Variants in ABCG5 observed in about 807,000 individuals in gnomAD.
The protein encoded by ABCG5 is ATP-binding cassette sub-family G member 5.
ABCG5 carries 64 observed loss-of-function variants against 64.5 expected under a neutral mutation model. The observed-to-expected ratio is 0.99, with a 90% confidence interval of 0.81 to 1.22. The LOEUF (loss-of-function observed/expected upper bound fraction) is 1.22, where lower values mean the gene tolerates loss of function less well. Ranked by LOEUF, ABCG5 falls within the 50% of genes most tolerant of loss-of-function variation. The pLI is 0.00. For missense variants in ABCG5, 908 were observed against 829.5 expected (o/e 1.09, Z -1.16); for synonymous variants, 385 against 326.3 (o/e 1.18, Z -1.94).
Position 43,823,891 on chromosome 2 carries a change from C to T in ABCG5, c.1324+22G>A, listed in dbSNP as rs373247682. On this transcript the variant is annotated intron_variant, in intron 9 of 12. Transcript: ENST00000405322. ...AGGTATTTAGGGAGAAAGAGGTGCACCTCCAGCACGTGGGCACTTACACAG... is the reference window on the plus strand; with the variant it reads ...AGGTATTTAGGGAGAAAGAGGTGCATCTCCAGCACGTGGGCACTTACACAG... The T allele has an allele frequency of 4.5e-5, 72 of 1,612,358 alleles. No homozygotes were observed. In the African/African-American group the frequency reaches 8.4e-4, roughly 19 times the overall value.
rs1443729670 is a variant in ABCG5 at position 43,819,917 on chromosome 2, G to A, written c.1647C>T (p.Leu549=). The stretch of plus-strand genomic sequence containing the variant: ...TTTTTTGAATTATGATATCTTACCT[G>A]AGGAATCCAGATCCAACAAGCACCC... ...IAGVLVGSGF[L]RNIQEMPIPF... Residue 549 remains leucine (L), a splice_region_variant and synonymous_variant, in exon 11 of 13, where the codon CTC becomes CTT. Transcript: ENST00000405322. 1 of 1,614,058 alleles carries A rather than the reference G, an allele frequency of 6.2e-7. No individual in the cohort carries two copies. The highest frequency in any genetic ancestry group is 8.5e-7 in the Non-Finnish European group (1 of 1,180,010).
chr2:43,839,139 G>A, upstream of ABCG5: 1 of 1,550,836 alleles, frequency 6.4e-7, no homozygotes, highest in East Asian at 2.4e-5. Flanking sequence ...TGGGAAGTCG[G>A]CCCAGGCCTG....
downstream of ABCG5, among the ~76,000 whole-genome samples, chr2:43,811,532 T>G (rs888774336): frequency 6.6e-6 from 1 of 152,204 alleles, no homozygotes; most frequent in African/African-American, 2.4e-5. Flanking sequence ...GACAGTTTCA[T>G]TTCAGGTTTG....
intron 10 of ABCG5, chr2:43,822,491 C>CT (rs1667290730): frequency 1.1e-5 from 9 of 843,074 alleles, no homozygotes; most frequent in Non-Finnish European, 1.0e-5. Context: ...CCCCCCCATG[C>CT]ACCTGGGTCC....
downstream of ABCG5, chr2:43,810,411 C>T: frequency 1.4e-5 from 14 of 985,350 alleles, no homozygotes; most frequent in Non-Finnish European, 1.7e-5. Flanking sequence ...TATCAAGAAG[C>T]AGGACAAAAC....
At chr2:43,816,424 G>A (rs913274132) in intron 11 of ABCG5, among the ~76,000 whole-genome samples, 2 of 148,200 alleles carry the variant, frequency 1.3e-5, no homozygotes, top group African/African-American at 2.5e-5. Context: ...CAGACTTTGT[G>A]CAGGTGGCGG....
At chr2:43,814,646 A>T in intron 11 of ABCG5, 57 bp from the exon 12 acceptor site, 1 of 998,638 alleles carries the variant, frequency 1.0e-6, no homozygotes, top group East Asian at 2.4e-5. Flanking sequence ...AGTCCTACCA[A>T]ATGAAAAGAA....
At chr2:43,807,459 A>G in the ABCG5 span, among the ~76,000 whole-genome samples, 9 of 151,784 alleles carry the variant, frequency 5.9e-5, no homozygotes, top group African/African-American at 2.2e-4. Flanking sequence ...TTTTTCTTTG[A>G]TACTGTGTCT....
rs753502791 is a variant in ABCG5 at position 43,824,888 on chromosome 2, C to G, written c.904+1G>C. On this transcript the variant is annotated splice_donor_variant, in intron 7 of 12. Transcript: ENST00000405322. LOFTEE classifies it high-confidence loss of function. ...ATGGGGAATGTGAAAGAAAAACTTA[C>G]TATAGAAGTCAAAAGGGTTTGAATG... 1.2e-6 allele frequency: 2 copies of G among 1,613,888 alleles called. No homozygotes were observed. The highest frequency in any genetic ancestry group is 4.5e-5 in the East Asian group (2 of 44,854).
chr2:43,827,447 A>G (rs976283754), intron 5 of ABCG5, among the ~76,000 whole-genome samples: 12 of 152,312 alleles, frequency 7.9e-5, no homozygotes, highest in African/African-American at 2.4e-4. Flanking sequence ...GAAAGGATCC[A>G]GATGCAGTTT....
At chr2:43,822,175 C>T (rs1370422728) in intron 10 of ABCG5, among the ~76,000 whole-genome samples, 1 of 152,178 alleles carries the variant, frequency 6.6e-6, no homozygotes, top group East Asian at 1.9e-4. Flanking sequence ...CTCCATCTTA[C>T]ACCTTCCCTT....
At chr2:43,820,509 C>A (rs552676616) in intron 10 of ABCG5, among the ~76,000 whole-genome samples, 1 of 152,196 alleles carries the variant, frequency 6.6e-6, no homozygotes, top group Non-Finnish European at 1.5e-5. Context: ...CCAGCACCCC[C>A]TTCCCTGAAC....
chr2:43,838,425 G>T lies in ABCG5; in HGVS notation c.143+112C>A. On this transcript the variant is annotated intron_variant, in intron 1 of 12. Transcript: ENST00000405322. This position sits in a 1 kb window ranked among gnomAD's most constrained non-coding sequence, Gnocchi z 4.2. ...CTCTCTCCACCCGATCCACTAAAGA[G>T]GGAGCCCGAAGTGCCCAGACTGGCA... 9.5e-7 allele frequency: 1 copy of T among 1,056,792 alleles called. No homozygotes were observed. Among genetic ancestry groups the T allele is most frequent in the Non-Finnish European group, 1.4e-6 (1 of 722,056 alleles). The allele number at this position is 1,056,792 out of a possible 1,614,324, so 65.5% of individuals were successfully genotyped here.
At position 43,828,098 on chromosome 2, in the gene ABCG5, T is replaced by C; in HGVS notation, c.519A>G (p.Ala173=). Residue 173 remains alanine, a synonymous_variant, in exon 5 of 13, where the codon GCA becomes GCG. Coordinates refer to ENST00000405322, the MANE Select transcript of ABCG5 (RefSeq NM_022436.3). ...CTGCCACATGGCTCAGACTCAGCTC[T>C]GCCATGACGGCCTCCACCTGCAGGA... The part of the protein sequence containing the change: ...SFQKKVEAVM[A]ELSLSHVADR... 1 of 1,613,962 alleles carries C rather than the reference T, an allele frequency of 6.2e-7. No homozygotes were observed. The highest frequency in any genetic ancestry group is 8.5e-7 in the Non-Finnish European group (1 of 1,180,008).
chr2:43,838,697 G>A lies in ABCG5; in HGVS notation c.-18C>T, dbSNP rs1668441721. On this transcript the variant is annotated 5_prime_UTR_variant, in exon 1 of 13. Transcript: ENST00000405322. This position sits in a 1 kb window ranked among gnomAD's most constrained non-coding sequence, Gnocchi z 4.2. ...TCACCCATGGCCAACAGGCAGCAAAGCTGGGCAAATTTTCTGGTGGCCGGA... is the reference window on the plus strand; with the variant it reads ...TCACCCATGGCCAACAGGCAGCAAAACTGGGCAAATTTTCTGGTGGCCGGA... 6.2e-7 allele frequency: 1 copy of A among 1,612,990 alleles called. No individual in the cohort carries two copies. Among genetic ancestry groups the A allele is most frequent in the African/African-American group, 1.3e-5 (1 of 74,902 alleles).
rs1257853786 is a variant in ABCG5 at position 43,837,866 on chromosome 2, C to G, written c.233G>C (p.Ser78Thr). 1 of 1,614,034 alleles carries G rather than the reference C, an allele frequency of 6.2e-7. No individual in the cohort carries two copies. The highest frequency in any genetic ancestry group is 8.5e-7 in the Non-Finnish European group (1 of 1,180,024). ...TCCTAGGATGCACATGATCTGCCCG[C>G]TCTCCACGTACAAGGAGACATCTTT... is the stretch of plus-strand genomic sequence containing the variant. ...ILKDVSLYVE[S>T]GQIMCILGSS... Residue 78 changes from serine to threonine, a missense_variant, in exon 2 of 13, where the codon AGC becomes ACC. Coordinates refer to ENST00000405322, the MANE Select transcript of ABCG5 (RefSeq NM_022436.3).
intron 2 of ABCG5, among the ~76,000 whole-genome samples, chr2:43,836,041 ATTCTCC>A (rs2104884634): frequency 6.6e-6 from 1 of 151,778 alleles, no homozygotes; most frequent in African/African-American, 2.4e-5. Flanking sequence ...GGTTCAAGGG[ATTCTCC>A]TGCCTCAGCC....
intron 10 of ABCG5, among the ~76,000 whole-genome samples, chr2:43,822,206 C>T (rs1421816493): frequency 1.3e-5 from 2 of 152,152 alleles, no homozygotes; most frequent in African/African-American, 4.8e-5. Flanking sequence ...TGACTTGCAC[C>T]CCCATGACTC....
At chr2:43,825,751 C>T (rs1572773093) in intron 6 of ABCG5, among the ~76,000 whole-genome samples, 1 of 152,064 alleles carries the variant, frequency 6.6e-6, no homozygotes, top group East Asian at 1.9e-4. Context: ...GGATTACAGG[C>T]GCACACCACC....
Sources: gnomAD v4.1 joint callset for allele counts (sites outside exome capture counted in the v4.1 genomes callset) on GRCh38, gnomAD v4.1.1 for gene constraint, Gnocchi (gnomAD v3.1) non-coding constraint, MANE v1.5 for transcripts, NCBI Gene and HGNC (gene_info 2026-07-23, HGNC 2026-07-21) for gene names.